Variants in PLVAP observed in about 807,000 individuals in gnomAD.
PLVAP encodes the protein plasmalemma vesicle associated protein.
Under a neutral mutation model 43.1 loss-of-function variants are expected in PLVAP, and 34 were observed. That is an observed-to-expected ratio of 0.79 (90% CI 0.60 to 1.05). PLVAP has a LOEUF of 1.05. Among genes scored for constraint, PLVAP ranks in the 50% least tolerant of loss-of-function variants. The pLI, the probability that PLVAP is intolerant of heterozygous loss-of-function variation, is 0.00. For missense variants in PLVAP, 574 were observed against 593.4 expected (o/e 0.97, Z 0.34); for synonymous variants, 241 against 237.3 (o/e 1.02, Z -0.14).
chr19:17,372,719 G>C (rs1414462060), intron 1 of PLVAP, among the ~76,000 whole-genome samples: 2 of 150,782 alleles, frequency 1.3e-5, no homozygotes, highest in Non-Finnish European at 3.0e-5. Flanking sequence ...GCCTCCCGAA[G>C]TGTTGGGATT....
At chr19:17,362,206 G>A (rs10408790) in intron 3 of PLVAP, 91,376 of 151,848 alleles carry the variant, frequency 0.6, 28,527 homozygotes, top group African/African-American at 0.78. Context: ...CCCAGCCTCT[G>A]CCCAGCTCCC....
intron 1 of PLVAP, among the ~76,000 whole-genome samples, chr19:17,376,655 G>A (rs560983193): frequency 2.0e-5 from 3 of 152,132 alleles, no homozygotes; most frequent in South Asian, 2.1e-4. Context: ...AAAATGAGCC[G>A]GTTATGATGG....
At chr19:17,355,725 A>C (rs983826130) in intron 5 of PLVAP, among the ~76,000 whole-genome samples, 27 of 151,724 alleles carry the variant, frequency 1.8e-4, no homozygotes, top group African/African-American at 5.6e-4. Context: ...TAGTAGAGAC[A>C]GGGTATCACC....
rs140894215 is a variant in PLVAP, at chr19:17,357,132, A to C, written c.1322+3396T>G. On this transcript the variant is annotated intron_variant, in intron 5 of 5. Coordinates refer to ENST00000252590, the MANE Select transcript of PLVAP (RefSeq NM_031310.3). ...CCAAAATTTTTACAAATTTTGTAGA[A>C]AAAGATACAAAAATTAGCCAGGTGT... Among the ~76,000 whole-genome samples the C allele has an allele frequency of 3.6e-3, 543 of 151,122 alleles. 1 individual carries two copies. Among genetic ancestry groups the C allele is most frequent in the African/African-American group, 0.012 (489 of 41,140 alleles).
rs763324516 is a variant in PLVAP, at chr19:17,366,017, G to A, written c.467-19C>T. ...AGCAAGGCTAAGGAAAACAGGACCA[G>A]GAGACCCAGGAAGATTGGGGGCTGC... On this transcript the variant is annotated intron_variant, in intron 2 of 5. Coordinates refer to ENST00000252590, the MANE Select transcript of PLVAP (RefSeq NM_031310.3). The A allele has an allele frequency of 5.0e-6, 8 of 1,611,590 alleles. No homozygotes were observed. In the African/African-American group the frequency reaches 8.0e-5, roughly 16 times the overall value.
intron 1 of PLVAP, among the ~76,000 whole-genome samples, chr19:17,372,293 C>T (rs911438456): frequency 7.3e-5 from 11 of 149,868 alleles, no homozygotes; most frequent in Non-Finnish European, 1.5e-4. Flanking sequence ...CCTGTAATCC[C>T]AGCTACTCGG....
chr19:17,360,290 G>A (rs1013455805), intron 5 of PLVAP, among the ~76,000 whole-genome samples: 1 of 152,162 alleles, frequency 6.6e-6, no homozygotes, highest in Non-Finnish European at 1.5e-5. Flanking sequence ...TAGGCTCTTT[G>A]GTAGTCCCAT....
chr19:17,353,289 G>C (rs535225015), intron 5 of PLVAP, among the ~76,000 whole-genome samples: 6 of 152,308 alleles, frequency 3.9e-5, no homozygotes, highest in Admixed American at 2.6e-4. Flanking sequence ...AGCCTGCAAG[G>C]CTCCATCTTT....
chr19:17,367,679 A>G (rs1599576791), intron 1 of PLVAP, among the ~76,000 whole-genome samples: 1 of 151,952 alleles, frequency 6.6e-6, no homozygotes, highest in African/African-American at 2.4e-5. Flanking sequence ...GTGAGCCACC[A>G]TGCCCAGCCT....
At chr19:17,373,838 T>C (rs2145727611) in intron 1 of PLVAP, among the ~76,000 whole-genome samples, 1 of 152,228 alleles carries the variant, frequency 6.6e-6, no homozygotes, top group Admixed American at 6.6e-5. Flanking sequence ...TCCCCTCTCA[T>C]GCCTTCACTT....
intron 3 of PLVAP, among the ~76,000 whole-genome samples, chr19:17,361,749 C>A (rs1461734820): frequency 3.3e-5 from 5 of 152,028 alleles, no homozygotes; most frequent in Admixed American, 3.3e-4. Context: ...TGACTCCAAC[C>A]ATTCTCTTGA....
At chr19:17,371,804 A>T (rs2074573127) in intron 1 of PLVAP, among the ~76,000 whole-genome samples, 1 of 152,232 alleles carries the variant, frequency 6.6e-6, no homozygotes, top group Non-Finnish European at 1.5e-5. Context: ...TTTTAAAGAA[A>T]GTGTTCACAA....
At chr19:17,373,900 T>G (rs959950161) in intron 1 of PLVAP, among the ~76,000 whole-genome samples, 2 of 152,106 alleles carry the variant, frequency 1.3e-5, no homozygotes, top group African/African-American at 4.8e-5. Flanking sequence ...AATGGCTCAC[T>G]CCTGTAATCT....
rs1568378789 is a variant in PLVAP at position 17,377,305 on chromosome 19, T to TCCGGTGCA, written c.-25_-18dup. 1 of 1,591,986 alleles carries TCCGGTGCA rather than the reference T, an allele frequency of 6.3e-7. No individual in the cohort carries two copies. Among genetic ancestry groups the TCCGGTGCA allele is most frequent in the South Asian group, 1.1e-5 (1 of 88,226 alleles). The stretch of plus-strand genomic sequence containing the variant: ...CAGACCCATTTGCTCGATCCCGCCG[T>TCCGGTGCA]CCGGTGCACCGTCCCTGCTCACCAC... On this transcript the variant is annotated 5_prime_UTR_variant, in exon 1 of 6. Transcript: ENST00000252590.
chr19:17,364,764 C>CTTTTTTT (rs71162109), intron 3 of PLVAP, among the ~76,000 whole-genome samples: 1 of 87,310 alleles, frequency 1.1e-5, no homozygotes, highest in Non-Finnish European at 2.1e-5. Flanking sequence ...TAATTCCAGT[C>CTTTTTTT]TTTTTTTTTT....
chr19:17,354,862 C>T (rs2074500139), intron 5 of PLVAP, among the ~76,000 whole-genome samples: 2 of 147,030 alleles, frequency 1.4e-5, no homozygotes, highest in Admixed American at 6.9e-5. Flanking sequence ...CGTGCCACTG[C>T]ACTCCAGCCT....
rs1599581801 is a variant in PLVAP, at chr19:17,377,261, A to G, written c.28T>C (p.Ser10Pro). Residue 10 changes from serine to proline, a missense_variant, in exon 1 of 6, where the codon TCC (serine) becomes CCC (proline). By Grantham distance (74) the Ser-to-Pro change is moderately conservative. Transcript: ENST00000252590. ...GAGCTGCCCCCCGCCCGAGCGTAGGACCCTCCGTGCTCCATGGCCAGACCC... is the reference window on the plus strand; with the variant it reads ...GAGCTGCCCCCCGCCCGAGCGTAGGGCCCTCCGTGCTCCATGGCCAGACCC... MGLAMEHGG[S>P]YARAGGSSRG... 4.3e-6 allele frequency: 7 copies of G among 1,612,738 alleles called. No individual in the cohort carries two copies. In the Admixed American group the frequency reaches 5.0e-5, roughly 12 times the overall value.
Position 17,365,660 on chromosome 19 carries a change from G to A in PLVAP, c.805C>T (p.Arg269Cys), listed in dbSNP as rs780468405. ...HPLGSELASIRRACDHMPSLM... is the reference protein window; with the variant it reads ...HPLGSELASICRACDHMPSLM... ...CTGGGCATGTGGTCGCAGGCTCTGC[G>A]GATGGAGGCCAATTCCGAGCCCAGG... is the stretch of plus-strand genomic sequence containing the variant. The change falls in exon 3 of 6, where the codon CGC (arginine) becomes TGC (cysteine). Residue 269 changes from arginine to cysteine, a missense_variant. Arg to Cys is a radical substitution (Grantham distance 180, BLOSUM62 -3). Coordinates refer to ENST00000252590, the MANE Select transcript of PLVAP (RefSeq NM_031310.3). 4.1e-5 allele frequency: 66 copies of A among 1,613,566 alleles called. No individual in the cohort carries two copies. The highest frequency in any genetic ancestry group is 1.3e-4 in the African/African-American group (10 of 74,940).
At position 17,377,230 on chromosome 19, in the gene PLVAP, C is replaced by T; in HGVS notation, c.59G>A (p.Gly20Asp). Residue 20 changes from glycine (G) to aspartate (D), a missense_variant, in exon 1 of 6, where the codon GGC becomes GAC. Gly to Asp is a moderately conservative substitution (Grantham distance 94). Coordinates refer to ENST00000252590, the MANE Select transcript of PLVAP (RefSeq NM_031310.3). Reference sequence around the variant, plus strand: ...GAAGTAGCGCAGGTAATACCAGCAGCCCCGAGAGCTGCCCCCCGCCCGAGC... The same window carrying T: ...GAAGTAGCGCAGGTAATACCAGCAGTCCCGAGAGCTGCCCCCCGCCCGAGC... Reference protein sequence around the residue: ...SYARAGGSSRGCWYYLRYFFL... With the variant: ...SYARAGGSSRDCWYYLRYFFL... 6.2e-7 allele frequency: 1 copy of T among 1,614,146 alleles called. No individual in the cohort carries two copies. Among genetic ancestry groups the T allele is most frequent in the Non-Finnish European group, 8.5e-7 (1 of 1,180,012 alleles).
Sources: gnomAD v4.1 joint callset for allele counts (sites outside exome capture counted in the v4.1 genomes callset) on GRCh38, gnomAD v4.1.1 for gene constraint, MANE v1.5 for transcripts, NCBI Gene and HGNC (gene_info 2026-07-23, HGNC 2026-07-21) for gene names.